DPP10: variants seen among roughly 807,000 people sequenced by gnomAD.
The protein encoded by DPP10 is dipeptidyl peptidase like 10.
A neutral mutation model predicts 120.9 loss-of-function variants in DPP10; 33 were observed. The ratio of observed to expected loss-of-function variants is 0.27; its 90% CI spans 0.21 to 0.37. DPP10 has a LOEUF of 0.37. Ranked by LOEUF, DPP10 falls within the 10% of genes least tolerant of loss-of-function variation. The pLI, the probability that DPP10 is intolerant of heterozygous loss-of-function variation, is 1.00. For synonymous variants in DPP10, 337 were observed against 326.1 expected (o/e 1.03, Z -0.36); for missense variants, 816 against 942.8 (o/e 0.87, Z 1.76).
At chr2:114,800,489 G>A (rs1348498028) in intron 1 of DPP10, among the ~76,000 whole-genome samples, 1 of 152,094 alleles carries the variant, frequency 6.6e-6, no homozygotes, top group Admixed American at 6.5e-5. Flanking sequence ...CTAGAAAACA[G>A]CCACAGAACA....
chr2:115,274,895 T>C (rs2059848519), intron 1 of DPP10, among the ~76,000 whole-genome samples: 1 of 152,224 alleles, frequency 6.6e-6, no homozygotes, highest in East Asian at 1.9e-4. Context: ...TAGTGTGGTT[T>C]CTGACTTTAA....
At chr2:115,774,105 T>C (rs1413549251) in intron 13 of DPP10, among the ~76,000 whole-genome samples, 1 of 151,938 alleles carries the variant, frequency 6.6e-6, no homozygotes, top group Non-Finnish European at 1.5e-5. Context: ...TTGAAGTAAA[T>C]CATATATAAT....
chr2:115,826,753 A>G (rs920539001), intron 21 of DPP10, among the ~76,000 whole-genome samples: 11 of 152,178 alleles, frequency 7.2e-5, no homozygotes, highest in Non-Finnish European at 1.5e-4. Context: ...TCAGATATTA[A>G]TATAGCCACT....
At chr2:114,760,985 T>G (rs1321301022) in intron 1 of DPP10, among the ~76,000 whole-genome samples, 2 of 152,220 alleles carry the variant, frequency 1.3e-5, no homozygotes, top group African/African-American at 2.4e-5. Context: ...CTTGACTACT[T>G]TGACTTTACT....
chr2:115,168,004 C>T, intron 1 of DPP10, among the ~76,000 whole-genome samples: 1 of 152,044 alleles, frequency 6.6e-6, no homozygotes, highest in East Asian at 1.9e-4. Flanking sequence ...AAAGGAAAGA[C>T]AGATGGGATT....
At chr2:115,393,202 G>T (rs537515576) in intron 3 of DPP10, among the ~76,000 whole-genome samples, 2 of 151,808 alleles carry the variant, frequency 1.3e-5, no homozygotes, top group Admixed American at 6.6e-5. Flanking sequence ...GATCCCAGCT[G>T]CTCGGGAGGC....
At chr2:114,469,900 T>C (rs543150030) in intron 1 of DPP10, among the ~76,000 whole-genome samples, 2 of 152,108 alleles carry the variant, frequency 1.3e-5, no homozygotes, top group East Asian at 1.9e-4. Context: ...TCTTTAGAAA[T>C]AGAGAAGAGA....
intron 1 of DPP10, among the ~76,000 whole-genome samples, chr2:115,023,978 A>T (rs1703266482): frequency 6.6e-6 from 1 of 152,052 alleles, no homozygotes; most frequent in South Asian, 2.1e-4. Context: ...AAGGGATAAG[A>T]CTAATACATC....
intron 3 of DPP10, among the ~76,000 whole-genome samples, chr2:115,454,166 T>C (rs2073341685): frequency 6.6e-6 from 1 of 151,690 alleles, no homozygotes; most frequent in Non-Finnish European, 1.5e-5. Context: ...TAGTAATCTT[T>C]CCTACTGGTA....
intron 1 of DPP10, among the ~76,000 whole-genome samples, chr2:114,986,260 G>T (rs1314121436): frequency 6.6e-6 from 1 of 152,068 alleles, no homozygotes; most frequent in Non-Finnish European, 1.5e-5. Context: ...ACTTCTAAAA[G>T]CATACAGATG....
chr2:115,378,632 G>T (rs939827846), intron 3 of DPP10, among the ~76,000 whole-genome samples: 3 of 150,776 alleles, frequency 2.0e-5, no homozygotes, highest in African/African-American at 7.4e-5. Flanking sequence ...TCTTGTGTCA[G>T]TTTTCAAAGG....
intron 5 of DPP10, among the ~76,000 whole-genome samples, chr2:115,684,369 C>T (rs1293575293): frequency 6.6e-6 from 1 of 151,846 alleles, no homozygotes; most frequent in Non-Finnish European, 1.5e-5. Context: ...ACGACTCACT[C>T]ATCTTAAAAG....
At chr2:115,336,407 C>A (rs1036086999) in intron 2 of DPP10, among the ~76,000 whole-genome samples, 3 of 151,924 alleles carry the variant, frequency 2.0e-5, no homozygotes, top group Non-Finnish European at 4.4e-5. Flanking sequence ...GTTTCCAGGT[C>A]TCTAAATACT....
intron 3 of DPP10, among the ~76,000 whole-genome samples, chr2:115,384,677 AGAAGAG>A (rs1383814141): frequency 6.0e-5 from 9 of 149,070 alleles, no homozygotes; most frequent in East Asian, 3.9e-4. Flanking sequence ...AGAAGGAAGA[AGAAGAG>A]GAAGAAGAAG....
At chr2:114,671,446 T>A (rs543940172) in intron 1 of DPP10, among the ~76,000 whole-genome samples, 1 of 152,276 alleles carries the variant, frequency 6.6e-6, no homozygotes, top group African/African-American at 2.4e-5. Flanking sequence ...GTCTGCTTGT[T>A]TCTGCCTCAC....
At chr2:114,494,913 A>G (rs1682372522) in intron 1 of DPP10, among the ~76,000 whole-genome samples, 1 of 152,148 alleles carries the variant, frequency 6.6e-6, no homozygotes, top group African/African-American at 2.4e-5. Context: ...TCTAAATTAC[A>G]GGTGGTATTG....
intron 5 of DPP10, among the ~76,000 whole-genome samples, chr2:115,590,538 G>A (rs1377647352): frequency 6.6e-6 from 1 of 152,168 alleles, no homozygotes; most frequent in Non-Finnish European, 1.5e-5. Flanking sequence ...TGGTGTATAT[G>A]TGCCACATTT....
chr2:115,084,957 T>C (rs1434607556), intron 1 of DPP10, among the ~76,000 whole-genome samples: 1 of 152,180 alleles, frequency 6.6e-6, no homozygotes, highest in Non-Finnish European at 1.5e-5. Context: ...AGTTGGCTTG[T>C]TCAGAAAGAG....
At chr2:114,872,540 G>A (rs893668173) in intron 1 of DPP10, among the ~76,000 whole-genome samples, 2 of 152,180 alleles carry the variant, frequency 1.3e-5, no homozygotes, top group African/African-American at 4.8e-5. Flanking sequence ...CCTGGTGGCA[G>A]GCTTTATAGT....
Sources: allele counts gnomAD v4.1 joint callset (sites outside exome capture counted in the v4.1 genomes callset), GRCh38; gene constraint gnomAD v4.1.1; transcripts MANE v1.5; gene names NCBI Gene and HGNC (gene_info 2026-07-23, HGNC 2026-07-21).